The following ATG10 variants were observed in gnomAD, a reference collection of about 807,000 sequenced individuals.
The protein encoded by ATG10 is autophagy related 10, also known as ubiquitin-like-conjugating enzyme ATG10.
ATG10 carries 30 observed loss-of-function variants against 32.1 expected under a neutral mutation model. The observed-to-expected ratio is 0.94, with a 90% CI of 0.70 to 1.27. The LOEUF (loss-of-function observed/expected upper bound fraction) is 1.27. Among genes scored for constraint, ATG10 ranks in the 50% most tolerant of loss-of-function variants. ATG10 has a pLI of 0.00. For synonymous variants in ATG10, 87 were observed against 91.5 expected (o/e 0.95, Z 0.28); for missense variants, 233 against 262.3 (o/e 0.89, Z 0.77).
intron 3 of ATG10, among the ~76,000 whole-genome samples, chr5:82,132,530 T>G (rs778336711): frequency 1.8e-4 from 27 of 151,914 alleles, no homozygotes; most frequent in Non-Finnish European, 7.4e-5. Context: ...TTGTGTTAAT[T>G]TGGTGAGAAT....
intron 5 of ATG10, among the ~76,000 whole-genome samples, chr5:82,235,677 T>C (rs890994157): frequency 8.5e-5 from 13 of 152,316 alleles, no homozygotes; most frequent in African/African-American, 2.9e-4. Context: ...ATTGACAGTA[T>C]CCTCTACTGA....
intron 1 of ATG10, among the ~76,000 whole-genome samples, chr5:81,984,055 C>T (rs1054813820): frequency 2.6e-5 from 4 of 152,348 alleles, no homozygotes; most frequent in African/African-American, 9.6e-5. Flanking sequence ...AATCTCGGCA[C>T]TTTGGGAGGC....
intron 2 of ATG10, among the ~76,000 whole-genome samples, chr5:82,038,908 C>T (rs1397713147): frequency 6.6e-6 from 1 of 152,202 alleles, no homozygotes; most frequent in Admixed American, 6.5e-5. Flanking sequence ...AGTGCTGTGG[C>T]ATGATCATAG....
intron 2 of ATG10, among the ~76,000 whole-genome samples, chr5:82,023,953 C>A: frequency 6.6e-6 from 1 of 152,194 alleles, no homozygotes; most frequent in East Asian, 1.9e-4. Flanking sequence ...TTCATGTGCA[C>A]CTCCTGCTGA....
intron 3 of ATG10, among the ~76,000 whole-genome samples, chr5:82,129,900 C>T (rs1021004491): frequency 2.0e-5 from 3 of 152,160 alleles, no homozygotes; most frequent in Non-Finnish European, 2.9e-5. Context: ...GCTCTTTTCA[C>T]AGCCTGCAGG....
intron 4 of ATG10, among the ~76,000 whole-genome samples, chr5:82,173,740 C>T (rs1056842346): frequency 2.5e-4 from 38 of 152,086 alleles, no homozygotes; most frequent in Non-Finnish European, 1.2e-4. Flanking sequence ...GGATCTGAAA[C>T]GAAGGAGTTG....
intron 2 of ATG10, 60 bp downstream of exon 2, chr5:81,987,738 T>C: frequency 2.2e-6 from 3 of 1,374,414 alleles, no homozygotes; most frequent in East Asian, 4.7e-5. Flanking sequence ...TGTTTTGTTT[T>C]GGTTTGTTGA....
chr5:82,225,184 AGTCTCTCACTGT>A (rs1256412012), intron 5 of ATG10, among the ~76,000 whole-genome samples: 3 of 152,318 alleles, frequency 2.0e-5, no homozygotes, highest in African/African-American at 7.2e-5. Context: ...CAGAAATAAG[AGTCTCTCACTGT>A]GTCAGTGCAA....
In ATG10 at chr5:82,098,318, T is replaced by G. The variant is rs1310117619; in HGVS notation, c.216+39716T>G. ...TAATATTGTTGTTGGGTTTTTTTTT[T>G]TTTTTTTTTTTGAGACTGAGTCTCG... On this transcript the variant is annotated intron_variant, in intron 3 of 7. Coordinates refer to ENST00000282185, the MANE Select transcript of ATG10 (RefSeq NM_031482.5). Among the ~76,000 whole-genome samples the G allele has an allele frequency of 3.4e-5, 5 of 145,148 alleles. No individual in the cohort carries two copies. The East Asian group carries it at 7.8e-4, about 23-fold the overall frequency.
chr5:82,154,604 T>C (rs1581749366), intron 3 of ATG10, among the ~76,000 whole-genome samples: 1 of 152,212 alleles, frequency 6.6e-6, no homozygotes, highest in East Asian at 1.9e-4. Flanking sequence ...TATTTTTGCC[T>C]ATATTATGCT....
At chr5:82,237,259 T>C (rs974345662) in intron 5 of ATG10, among the ~76,000 whole-genome samples, 3 of 152,156 alleles carry the variant, frequency 2.0e-5, no homozygotes, top group African/African-American at 7.2e-5. Context: ...GTAGGCTGTT[T>C]CTGGCTTATA....
chr5:82,218,419 G>A (rs1045675155), intron 5 of ATG10, among the ~76,000 whole-genome samples: 1 of 152,070 alleles, frequency 6.6e-6, no homozygotes, highest in African/African-American at 2.4e-5. Context: ...TGTTGGTACA[G>A]AATGATCATT....
chr5:82,041,338 T>G (rs933981991), intron 2 of ATG10, among the ~76,000 whole-genome samples: 2 of 152,212 alleles, frequency 1.3e-5, no homozygotes, highest in Non-Finnish European at 2.9e-5. Context: ...GTTTCACTAG[T>G]ACATAAAACA....
intron 1 of ATG10, among the ~76,000 whole-genome samples, chr5:81,981,756 A>C (rs894578985): frequency 1.3e-5 from 2 of 152,240 alleles, no homozygotes; most frequent in Middle Eastern, 3.2e-3. Flanking sequence ...AGATTCATCA[A>C]ATCAACGTCT....
chr5:82,026,541 G>A (rs1329011020), intron 2 of ATG10, among the ~76,000 whole-genome samples: 1 of 151,902 alleles, frequency 6.6e-6, no homozygotes, highest in Non-Finnish European at 1.5e-5. Flanking sequence ...ACCACTTTCT[G>A]ATACTAGGTG....
chr5:82,199,322 A>G (rs766358767), intron 5 of ATG10, among the ~76,000 whole-genome samples: 4 of 152,222 alleles, frequency 2.6e-5, no homozygotes, highest in Non-Finnish European at 4.4e-5. Flanking sequence ...TCTTTTTAAT[A>G]AATTTCCCAA....
chr5:82,099,268 T>A (rs183335515), intron 3 of ATG10, among the ~76,000 whole-genome samples: 3 of 152,258 alleles, frequency 2.0e-5, no homozygotes, highest in Admixed American at 2.0e-4. Flanking sequence ...AGTACATCGA[T>A]TGGATAAAAG....
At chr5:82,147,190 G>A (rs1185292528) in intron 3 of ATG10, 2 of 215,024 alleles carry the variant, frequency 9.3e-6, no homozygotes, top group African/African-American at 2.4e-5. Context: ...CTTTTTTAAG[G>A]TGAAGTCTTG....
intron 3 of ATG10, among the ~76,000 whole-genome samples, chr5:82,138,712 C>T (rs1766883120): frequency 6.6e-6 from 1 of 152,074 alleles, no homozygotes; most frequent in Non-Finnish European, 1.5e-5. Flanking sequence ...GTATATTTAG[C>T]AGTTAAAAAT....
Sources: gnomAD v4.1 joint callset for allele counts (sites outside exome capture counted in the v4.1 genomes callset) on GRCh38, gnomAD v4.1.1 for gene constraint, MANE v1.5 for transcripts, NCBI Gene and HGNC (gene_info 2026-07-23, HGNC 2026-07-21) for gene names.